Variants in ATP11A observed in about 807,000 individuals in gnomAD.
ATP11A encodes the protein ATPase phospholipid transporting 11A.
In ATP11A, 81 loss-of-function variants were observed where a neutral mutation model predicts 154.4. That is an observed-to-expected ratio of 0.52 (90% confidence interval 0.44 to 0.63). The LOEUF (loss-of-function observed/expected upper bound fraction) is 0.63. Ranked by LOEUF, ATP11A falls within the 30% of genes least tolerant of loss-of-function variation. ATP11A has a pLI of 0.00. For synonymous variants in ATP11A, 623 were observed against 585.9 expected (o/e 1.06, Z -0.91); for missense variants, 1,316 against 1,474.3 (o/e 0.89, Z 1.76).
chr13:112,720,985 C>T (rs1038024020), intron 1 of ATP11A, among the ~76,000 whole-genome samples: 56 of 152,114 alleles, frequency 3.7e-4, no homozygotes, highest in African/African-American at 1.3e-3. Flanking sequence ...TTAGTGGGGG[C>T]CGAGCTGGAA....
chr13:112,853,271 C>A (rs1246309423), intron 18 of ATP11A, among the ~76,000 whole-genome samples: 1 of 151,430 alleles, frequency 6.6e-6, no homozygotes, highest in Non-Finnish European at 1.5e-5. Context: ...TGCACACACA[C>A]ATATGTACAT....
chr13:112,793,795 A>G (rs1320549482), intron 2 of ATP11A, among the ~76,000 whole-genome samples: 2 of 152,218 alleles, frequency 1.3e-5, no homozygotes, highest in African/African-American at 4.8e-5. Context: ...GGCTGCTGGC[A>G]GGGGACAGTG....
intron 6 of ATP11A, among the ~76,000 whole-genome samples, chr13:112,818,276 G>C: frequency 6.7e-6 from 1 of 149,720 alleles, no homozygotes; most frequent in South Asian, 2.1e-4. Flanking sequence ...ATGACCGTTG[G>C]TGCGCTTGGT....
chr13:112,771,840 T>G (rs1340207242), intron 1 of ATP11A, among the ~76,000 whole-genome samples: 1 of 152,146 alleles, frequency 6.6e-6, no homozygotes, highest in Non-Finnish European at 1.5e-5. Flanking sequence ...ACAAACAAAG[T>G]AACATTTAAT....
intron 1 of ATP11A, among the ~76,000 whole-genome samples, chr13:112,756,343 C>T (rs535164770): frequency 3.9e-5 from 6 of 152,110 alleles, no homozygotes; most frequent in Non-Finnish European, 8.8e-5. Flanking sequence ...AGTGTTTTTC[C>T]TGGCAGTTCT....
At chr13:112,824,454 A>T in intron 10 of ATP11A, 29 bp downstream of exon 10, 1 of 1,601,828 alleles carries the variant, frequency 6.2e-7, no homozygotes, top group African/African-American at 1.3e-5. Context: ...GAGAACCTGC[A>T]ACTTAAAAGT....
At chr13:112,811,956 A>G (rs1407003057) in intron 5 of ATP11A, 2 of 152,210 alleles carry the variant, frequency 1.3e-5, no homozygotes, top group East Asian at 1.9e-4. Context: ...TTGGGGGTCC[A>G]TGTGATATTT....
chr13:112,801,860 G>C (rs913900269), intron 2 of ATP11A, among the ~76,000 whole-genome samples: 1 of 152,154 alleles, frequency 6.6e-6, no homozygotes, highest in Non-Finnish European at 1.5e-5. Flanking sequence ...TTCCCACTTT[G>C]ACCTGTCCTA....
In ATP11A at chr13:112,858,384, T is replaced by A. The variant is rs553579501; in HGVS notation, c.2667+94T>A. On this transcript the variant is annotated intron_variant, in intron 22 of 29. Transcript: ENST00000375645. The stretch of plus-strand genomic sequence containing the variant: ...CTGAGCCACTTGATGCCACAAGAGG[T>A]CATTGATCTCCGAGGAGCAGCAACT... 55 of 1,306,300 alleles carry A rather than the reference T, an allele frequency of 4.2e-5. No homozygotes were observed. In the African/African-American group the frequency reaches 6.0e-4, roughly 14 times the overall value. The allele number at this position is 1,306,300 out of a possible 1,614,324, so 80.9% of individuals were successfully genotyped here.
At chr13:112,787,683 G>A (rs1381195888) in intron 2 of ATP11A, among the ~76,000 whole-genome samples, 6 of 109,802 alleles carry the variant, frequency 5.5e-5, no homozygotes, top group East Asian at 2.6e-4. Flanking sequence ...AATTCACACC[G>A]GGTGTCCTGA....
rs543545757 is a variant in ATP11A, at chr13:112,693,789, TAA to T, written c.39+3338_39+3339del. On this transcript the variant is annotated intron_variant, in intron 1 of 29. Transcript: ENST00000375645. The stretch of plus-strand genomic sequence containing the variant: ...CAACATGGTGAAACCCTGTCTCTAC[TAA>T]AAATACAAAAATTAGCCGGGCATGG... Among the ~76,000 whole-genome samples, 201 of 152,156 alleles carry T rather than the reference TAA, an allele frequency of 1.3e-3. 1 individual carries two copies. The highest frequency in any genetic ancestry group is 8.8e-5 in the Non-Finnish European group (6 of 67,994).
At chr13:112,821,592 T>C (rs1394813977) in intron 8 of ATP11A, among the ~76,000 whole-genome samples, 1 of 152,216 alleles carries the variant, frequency 6.6e-6, no homozygotes, top group Non-Finnish European at 1.5e-5. Flanking sequence ...ATTATAGGCA[T>C]GAGCCACCGC....
chr13:112,760,200 A>T (rs188793486), intron 1 of ATP11A, among the ~76,000 whole-genome samples: 2 of 152,350 alleles, frequency 1.3e-5, no homozygotes, highest in East Asian at 3.9e-4. Flanking sequence ...AATAAAAGTA[A>T]TTTCTCTTGT....
intron 25 of ATP11A, among the ~76,000 whole-genome samples, chr13:112,863,872 C>T (rs376504068): frequency 1.1e-4 from 8 of 75,740 alleles, no homozygotes; most frequent in South Asian, 4.8e-4. Context: ...ATGCAGCTTC[C>T]CAGCGGGGTC....
chr13:112,717,350 G>A (rs969979778), intron 1 of ATP11A: 1 of 152,180 alleles, frequency 6.6e-6, no homozygotes, highest in Non-Finnish European at 1.5e-5. Context: ...CCCAGGAGAA[G>A]CAGCAGCTCT....
chr13:112,879,396 C>T (rs1243853630), intron 29 of ATP11A, among the ~76,000 whole-genome samples: 1 of 152,186 alleles, frequency 6.6e-6, no homozygotes, highest in Non-Finnish European at 1.5e-5. Flanking sequence ...TTTCATCTCA[C>T]CATTTCTGTA....
At position 112,862,082 on chromosome 13, in the gene ATP11A, T is replaced by C. The variant is rs1815846280; in HGVS notation, c.2856-358T>C. ...AAGGCATCACGTCAGGCGTAAGGCG[T>C]CACGTCAGGCGTAAGGTGTCACAAG... On this transcript the variant is annotated intron_variant, in intron 24 of 29. Transcript: ENST00000375645. Among the ~76,000 whole-genome samples, 4 of 152,192 alleles carry C rather than the reference T, an allele frequency of 2.6e-5. No individual in the cohort carries two copies. In the South Asian group the frequency reaches 8.3e-4, roughly 32 times the overall value.
intron 1 of ATP11A, among the ~76,000 whole-genome samples, chr13:112,702,941 G>T (rs1474210777): frequency 1.3e-5 from 2 of 152,222 alleles, no homozygotes; most frequent in African/African-American, 4.8e-5. Context: ...TGTGACTATG[G>T]AATGAATAAT....
intron 2 of ATP11A, among the ~76,000 whole-genome samples, chr13:112,787,586 C>T (rs1303967649): frequency 1.1e-5 from 1 of 91,662 alleles, no homozygotes; most frequent in Non-Finnish European, 2.1e-5. Flanking sequence ...TAATTGACAC[C>T]GGGTGTCCTG....
Sources: allele counts gnomAD v4.1 joint callset (sites outside exome capture counted in the v4.1 genomes callset), GRCh38; gene constraint gnomAD v4.1.1; transcripts MANE v1.5; gene names NCBI Gene and HGNC (gene_info 2026-07-23, HGNC 2026-07-21).